The following GSTZ1 variants were observed in gnomAD, a reference collection of about 807,000 sequenced individuals.
GSTZ1 encodes the protein glutathione S-transferase zeta 1, also known as maleylacetoacetate isomerase.
GSTZ1 carries 34 observed loss-of-function variants against 35.9 expected under a neutral mutation model. The ratio of observed to expected loss-of-function variants is 0.95; its 90% confidence interval spans 0.72 to 1.26. The LOEUF is 1.26. Among genes scored for constraint, GSTZ1 ranks in the 50% most tolerant of loss-of-function variants. The pLI, the probability that GSTZ1 is intolerant of heterozygous loss-of-function variation, is 0.00. For missense variants in GSTZ1, 263 were observed against 271.7 expected (o/e 0.97, Z 0.23); for synonymous variants, 93 against 101.2 (o/e 0.92, Z 0.49).
At chr14:77,330,501 C>A in intron 8 of GSTZ1, 142 bp downstream of exon 8, 1 of 734,298 alleles carries the variant, frequency 1.4e-6, no homozygotes, top group Non-Finnish European at 2.5e-6. Context: ...GCCACTTCTG[C>A]CTGGAAGAGG....
chr14:77,323,810 G>A (rs936611074), intron 1 of GSTZ1: 8 of 152,246 alleles, frequency 5.3e-5, no homozygotes, highest in Non-Finnish European at 1.2e-4. Context: ...GGACAGCCGA[G>A]AGCCCGGAGG....
Position 77,327,682 on chromosome 14 carries a change from G to A in GSTZ1, c.216+130G>A. On this transcript the variant is annotated intron_variant, in intron 4 of 8. Coordinates refer to ENST00000216465, the MANE Select transcript of GSTZ1 (RefSeq NM_145870.3). ...GGAGAGGCTCAATACAAGACTCGTG[G>A]GGAGGGTGCGAGGTTATTTAGGAAA... 6.6e-6 allele frequency: 5 copies of A among 762,446 alleles called. No homozygotes were observed. In the Admixed American group the frequency reaches 1.1e-4, roughly 17 times the overall value. 47.2% of individuals were successfully genotyped at this position (762,446 alleles called of 1,614,324 possible).
chr14:77,321,153 T>C lies in GSTZ1; in HGVS notation c.-16T>C, dbSNP rs1594814379. The C allele has an allele frequency of 1.4e-6, 2 of 1,435,260 alleles. No individual in the cohort carries two copies. Among genetic ancestry groups the C allele is most frequent in the African/African-American group, 2.9e-5 (2 of 68,702 alleles). 88.9% of individuals were successfully genotyped at this position (1,435,260 alleles called of 1,614,324 possible). A position where few individuals can be genotyped will look rare whatever the true frequency, so the allele number is the denominator to read the frequency against. On this transcript the variant is annotated 5_prime_UTR_variant, in exon 1 of 9. Coordinates refer to ENST00000216465, the MANE Select transcript of GSTZ1 (RefSeq NM_145870.3). ...AAGTTTCTCGGCCTGGAGGAGGGGG[T>C]CGCGCGAAGTGCCAGATGCAGGCGG...
chr14:77,326,105 G>C (rs1452539518), intron 2 of GSTZ1: 1 of 152,286 alleles, frequency 6.6e-6, no homozygotes, highest in Non-Finnish European at 1.5e-5. Flanking sequence ...GAATGCCCAA[G>C]TGTGTGTAAT....
intron 7 of GSTZ1, 193 bp from the exon 8 acceptor site, chr14:77,330,117 G>A: frequency 1.4e-6 from 1 of 718,934 alleles, no homozygotes; most frequent in Non-Finnish European, 2.6e-6. Context: ...ACTGGAGCAT[G>A]GCCTGGGAGG....
intron 1 of GSTZ1, 105 bp downstream of exon 1, chr14:77,321,288 T>A: frequency 6.6e-7 from 1 of 1,522,074 alleles, no homozygotes; most frequent in Non-Finnish European, 8.9e-7. Flanking sequence ...CGACAACGAC[T>A]CCCGGCATGC....
chr14:77,327,811 T>A, intron 4 of GSTZ1, 101 bp from the exon 5 acceptor site: 1 of 1,152,620 alleles, frequency 8.7e-7, no homozygotes, highest in South Asian at 1.3e-5. Context: ...AGAGGTGTAG[T>A]GATGGTGCTG....
At chr14:77,327,356 T>C (rs1369597029) in intron 3 of GSTZ1, 116 bp from the exon 4 acceptor site, 12 of 705,390 alleles carry the variant, frequency 1.7e-5, no homozygotes, top group Non-Finnish European at 2.6e-5. Context: ...ATTTAGGGCC[T>C]TCCCAGGGAA....
In GSTZ1 at chr14:77,321,155, G is replaced by T. The variant is rs1891910919; in HGVS notation, c.-14G>T. The T allele has an allele frequency of 1.4e-6, 2 of 1,453,836 alleles. No individual in the cohort carries two copies. Among genetic ancestry groups the T allele is most frequent in the Non-Finnish European group, 1.8e-6 (2 of 1,097,092 alleles). 90.1% of individuals were successfully genotyped at this position (1,453,836 alleles called of 1,614,324 possible). ...GTTTCTCGGCCTGGAGGAGGGGGTC[G>T]CGCGAAGTGCCAGATGCAGGCGGGG... On this transcript the variant is annotated 5_prime_UTR_variant, in exon 1 of 9. Coordinates refer to ENST00000216465, the MANE Select transcript of GSTZ1 (RefSeq NM_145870.3).
At chr14:77,321,266 G>A (rs1419897822) in intron 1 of GSTZ1, 83 bp downstream of exon 1, 4 of 1,519,948 alleles carry the variant, frequency 2.6e-6, no homozygotes, top group Non-Finnish European at 3.6e-6. Context: ...GAGCTGCACC[G>A]CCCGCCCAGG....
chr14:77,328,873 CA>C (rs1015312480), intron 5 of GSTZ1: 18 of 561,544 alleles, frequency 3.2e-5, no homozygotes, highest in Non-Finnish European at 5.4e-5. Context: ...GGGATTCTTG[CA>C]CATCTCTGAC....
At chr14:77,330,042 T>A (rs1295164451) in intron 7 of GSTZ1, 2 of 653,798 alleles carry the variant, frequency 3.1e-6, no homozygotes, top group Non-Finnish European at 5.6e-6. Context: ...CTAGATGATG[T>A]CTGCGCAGTC....
Position 77,331,188 on chromosome 14 carries a change from G to A in GSTZ1, c.644G>A (p.Arg215Lys), listed in dbSNP as rs1171906088. Residue 215 changes from arginine (R) to lysine (K), a missense_variant, in exon 9 of 9, where the codon AGG becomes AAG. Transcript: ENST00000216465. ...CRQPDTPTEL[R>K]A Reference sequence around the variant, plus strand: ...CAGCCAGATACACCCACTGAGCTGAGGGCCTAGCTCCCAAATCCTGCCCCG... The same window carrying A: ...CAGCCAGATACACCCACTGAGCTGAAGGCCTAGCTCCCAAATCCTGCCCCG... 3 of 1,613,262 alleles carry A rather than the reference G, an allele frequency of 1.9e-6. No homozygotes were observed.
chr14:77,328,831 C>G (rs1892466387), intron 5 of GSTZ1: 1 of 449,462 alleles, frequency 2.2e-6, no homozygotes, highest in Non-Finnish European at 4.1e-6. Context: ...ACACCTGCCA[C>G]AGCCATGGCC....
chr14:77,321,526 C>T (rs769534089), intron 1 of GSTZ1: 13 of 1,325,074 alleles, frequency 9.8e-6, no homozygotes, highest in Non-Finnish European at 1.2e-5. Flanking sequence ...CCCAATTTCT[C>T]GCAGCCCTTC....
At chr14:77,322,591 G>T in intron 1 of GSTZ1, 1 of 984,520 alleles carries the variant, frequency 1.0e-6, no homozygotes, top group Admixed American at 6.1e-5. Context: ...AGTCCCTGTA[G>T]CCTGGCTAGG....
chr14:77,321,606 G>A, intron 1 of GSTZ1: 1 of 1,073,624 alleles, frequency 9.3e-7, no homozygotes, highest in Non-Finnish European at 1.2e-6. Context: ...TCCCCGGGCC[G>A]GGCGCGGTGG....
Position 77,327,894 on chromosome 14 carries a change from C to A in GSTZ1, c.217-18C>A. 1 of 1,613,626 alleles carries A rather than the reference C, an allele frequency of 6.2e-7. No homozygotes were observed. The highest frequency in any genetic ancestry group is 8.5e-7 in the Non-Finnish European group (1 of 1,179,818). The stretch of plus-strand genomic sequence containing the variant: ...GGTCCTGGGCCCTCTCCCTGCCTCA[C>A]TGCTCCCCTCTGGACAGCTGGCCAT... On this transcript the variant is annotated intron_variant, in intron 4 of 8. Transcript: ENST00000216465.
chr14:77,330,886 CAG>C (rs1471635049), intron 8 of GSTZ1, among the ~76,000 whole-genome samples, 181 bp from the exon 9 acceptor site: 2 of 152,148 alleles, frequency 1.3e-5, no homozygotes, highest in African/African-American at 2.4e-5. Flanking sequence ...CAGTAGGTAA[CAG>C]ATGCCAAATG....
Sources: allele counts gnomAD v4.1 joint callset (sites outside exome capture counted in the v4.1 genomes callset), GRCh38; gene constraint gnomAD v4.1.1; transcripts MANE v1.5; gene names NCBI Gene and HGNC (gene_info 2026-07-23, HGNC 2026-07-21).